Variants in ZFYVE26 observed in about 807,000 individuals in gnomAD.
ZFYVE26 encodes the protein zinc finger FYVE-type containing 26, also known as zinc finger FYVE domain-containing protein 26.
Under a neutral mutation model 276.5 loss-of-function variants are expected in ZFYVE26, and 181 were observed. The observed-to-expected ratio is 0.65, with a 90% confidence interval of 0.58 to 0.74. The LOEUF is 0.74. ZFYVE26 is among the 30% of genes least tolerant of loss of function. The pLI, the probability that ZFYVE26 is intolerant of heterozygous loss-of-function variation, is 0.00. For synonymous variants in ZFYVE26, 1,129 were observed against 1,203.1 expected, an observed-to-expected ratio of 0.94 and a Z score of 1.27; for missense variants, 2,821 against 3,097.9, an observed-to-expected ratio of 0.91 and a Z score of 2.12.
At position 67,762,354 on chromosome 14, in the gene ZFYVE26, C is replaced by G; in HGVS notation, c.6218G>C (p.Cys2073Ser). Reference sequence around the variant, plus strand: ...AGCAGTGAGGTTCCCGGCTTTGAGGCAGGCCATGCCCCAAGCATGCCACGC... The same window carrying G: ...AGCAGTGAGGTTCCCGGCTTTGAGGGAGGCCATGCCCCAAGCATGCCACGC... ...TGAWHAWGMA[C>S]LKAGNLTAAR... Residue 2073 changes from cysteine (C) to serine (S), a missense_variant, in exon 34 of 42, where the codon TGC becomes TCC. By Grantham distance (112) the Cys-to-Ser change is moderately radical (BLOSUM62 -1). Transcript: ENST00000347230. The G allele has an allele frequency of 3.1e-6, 5 of 1,614,220 alleles. No individual in the cohort carries two copies. Among genetic ancestry groups the G allele is most frequent in the Non-Finnish European group, 3.4e-6 (4 of 1,180,038 alleles).
At chr14:67,786,302 A>G in intron 16 of ZFYVE26, 69 bp from the exon 17 acceptor site, 1 of 1,530,022 alleles carries the variant, frequency 6.5e-7, no homozygotes, top group African/African-American at 1.4e-5. Context: ...ATTGACACTC[A>G]GTCCTGTATT....
chr14:67,742,192 A>G (rs2038422558), downstream of ZFYVE26, among the ~76,000 whole-genome samples: 1 of 152,224 alleles, frequency 6.6e-6, no homozygotes, highest in Admixed American at 6.5e-5. Context: ...AGGTACCTAG[A>G]GTAGTCACAT....
chr14:67,775,714 A>G (rs2039323774), intron 26 of ZFYVE26, 146 bp downstream of exon 26: 2 of 1,183,066 alleles, frequency 1.7e-6, no homozygotes, highest in Non-Finnish European at 2.4e-6. Context: ...GATCTCTCCT[A>G]TATAATAAAG....
In ZFYVE26 at chr14:67,761,408, C is replaced by T; in HGVS notation, c.6546G>A (p.Arg2182=). The change falls in exon 35 of 42, where the codon AGG becomes AGA. Residue 2182 remains arginine, a synonymous_variant. Transcript: ENST00000347230. Reference sequence around the variant, plus strand: ...GAAGAGCTTCCCGCAGGCAGCTGTGCCTCACGTAGAAGCTGATGATGGCCA... The same window carrying T: ...GAAGAGCTTCCCGCAGGCAGCTGTGTCTCACGTAGAAGCTGATGATGGCCA... ...TNLAIISFYV[R]HSCLREALLH... is the part of the protein sequence containing the mutation. The T allele has an allele frequency of 6.2e-7, 1 of 1,613,968 alleles. No individual in the cohort carries two copies. Among genetic ancestry groups the T allele is most frequent in the Non-Finnish European group, 8.5e-7 (1 of 1,179,944 alleles).
intron 1 of ZFYVE26, among the ~76,000 whole-genome samples, chr14:67,816,289 G>T (rs1215504036): frequency 6.6e-6 from 1 of 152,086 alleles, no homozygotes; most frequent in East Asian, 1.9e-4. Context: ...ATAACTCTAC[G>T]TCCGTATTCC....
In ZFYVE26 at chr14:67,776,254, CT is replaced by C. The variant is rs1401684681; in HGVS notation, c.4975-149del. 35 of 1,097,604 alleles carry C rather than the reference CT, an allele frequency of 3.2e-5. No homozygotes were observed. The East Asian group carries it at 8.7e-4, about 27-fold the overall frequency. The allele number at this position is 1,097,604 out of a possible 1,614,324, so 68.0% of individuals were successfully genotyped here. On this transcript the variant is annotated intron_variant, in intron 25 of 41. Transcript: ENST00000347230. The stretch of plus-strand genomic sequence containing the variant: ...ACAGACTCGCAGTCTTTTAGGAAGG[CT>C]GAGCTCCCCACTAAATTCTGCAGAT...
chr14:67,733,156 A>G (rs2038308008), intron 13 of ZFYVE26, among the ~76,000 whole-genome samples: 1 of 152,024 alleles, frequency 6.6e-6, no homozygotes, highest in South Asian at 2.1e-4. Context: ...AAAAAACATG[A>G]TGAGAACTGT....
At chr14:67,764,269 A>G (rs375512993) in intron 32 of ZFYVE26, among the ~76,000 whole-genome samples, 2 of 152,350 alleles carry the variant, frequency 1.3e-5, no homozygotes, top group Non-Finnish European at 2.9e-5. Flanking sequence ...GATTCTGTAC[A>G]TCAGTGATTC....
chr14:67,799,497 A>C, intron 10 of ZFYVE26: 1 of 1,605,786 alleles, frequency 6.2e-7, no homozygotes. Context: ...CAGAGCAGAC[A>C]AAAGGATCGG....
rs1406988642 is a variant in ZFYVE26 at position 67,789,524 on chromosome 14, G to A, written c.2830C>T (p.Gln944Ter). 6.2e-7 allele frequency: 1 copy of A among 1,614,160 alleles called. No homozygotes were observed. Among genetic ancestry groups the A allele is most frequent in the South Asian group, 1.1e-5 (1 of 91,078 alleles). ...GCCGTGCTTATCCAAAAGTCCTCCTGGAGCATGGGGATGGGGTCTCCAGAG... is the reference window on the plus strand; with the variant it reads ...GCCGTGCTTATCCAAAAGTCCTCCTAGAGCATGGGGATGGGGTCTCCAGAG... ...NTSGDPIPML[Q>*]EDFWISTALV... The change falls in exon 16 of 42, where the codon CAG becomes TAG. Residue 944 changes from glutamine to a stop codon, truncating the protein, a stop_gained. Transcript: ENST00000347230. LOFTEE classifies it high-confidence loss of function.
At chr14:67,767,975 T>G in intron 30 of ZFYVE26, 135 bp from the exon 31 acceptor site, 2 of 1,264,232 alleles carry the variant, frequency 1.6e-6, no homozygotes, top group Admixed American at 3.8e-5. Flanking sequence ...CTTGGTTCCT[T>G]TTGTTTGCTT....
At chr14:67,729,428 G>C (rs771292996) in exon 14 of ZFYVE26, 1 of 1,560,402 alleles carries the variant, frequency 6.4e-7, no homozygotes, top group African/African-American at 1.3e-5. Flanking sequence ...TGCATGGGAG[G>C]TGCCGGACTC....
intron 29 of ZFYVE26, among the ~76,000 whole-genome samples, chr14:67,768,803 A>G (rs891968924): frequency 6.6e-6 from 1 of 152,224 alleles, no homozygotes; most frequent in Non-Finnish European, 1.5e-5. Context: ...TAGAGTAAGT[A>G]TGGTGTGTCT....
rs970458415 is a variant in ZFYVE26 at position 67,761,446 on chromosome 14, A to G, written c.6508T>C (p.Tyr2170His). The change falls in exon 35 of 42, where the codon TAT becomes CAT. Residue 2170 changes from tyrosine to histidine, a missense_variant. Transcript: ENST00000347230. The stretch of plus-strand genomic sequence containing the variant: ...CTGATGATGGCCAGGTTGGTGCTAT[A>G]GTTGTGCAGGTAGAAGAGGCATTCC... ...YQECLFYLHN[Y>H]STNLAIISFY... 4 of 1,614,032 alleles carry G rather than the reference A, an allele frequency of 2.5e-6. No homozygotes were observed. The African/African-American group carries it at 5.3e-5, about 22-fold the overall frequency.
In ZFYVE26 at chr14:67,784,407, A is replaced by G; in HGVS notation, c.3553T>C (p.Phe1185Leu). The G allele has an allele frequency of 6.2e-7, 1 of 1,614,170 alleles. No homozygotes were observed. The highest frequency in any genetic ancestry group is 8.5e-7 in the Non-Finnish European group (1 of 1,180,006). Residue 1185 changes from phenylalanine (F) to leucine (L), a missense_variant, in exon 20 of 42, where the codon TTT (phenylalanine) becomes CTT (leucine). By Grantham distance (22) the Phe-to-Leu change is conservative. Transcript: ENST00000347230. Reference protein sequence around the residue: ...DHVEVKVGNPFVLLQQSSSQL... With the variant: ...DHVEVKVGNPLVLLQQSSSQL... ...GAAGAGCTCTGTTGCAGCAGAACAAAGGGATTTCCTACCTTGACCTCCACA... is the reference window on the plus strand; with the variant it reads ...GAAGAGCTCTGTTGCAGCAGAACAAGGGGATTTCCTACCTTGACCTCCACA...
intron 27 of ZFYVE26, among the ~76,000 whole-genome samples, chr14:67,772,600 G>C (rs374714469): frequency 7.2e-5 from 11 of 152,122 alleles, no homozygotes; most frequent in African/African-American, 2.6e-4. Flanking sequence ...AAAGAGGTAG[G>C]GGGGATAAAC....
downstream of ZFYVE26, among the ~76,000 whole-genome samples, chr14:67,742,521 AATT>A (rs1472242030): frequency 6.6e-6 from 1 of 152,138 alleles, no homozygotes; most frequent in Non-Finnish European, 1.5e-5. Context: ...ATTCTTCTAG[AATT>A]ATTATTTGTT....
At chr14:67,756,259 G>C in intron 35 of ZFYVE26, 114 bp from the exon 36 acceptor site, 1 of 1,067,842 alleles carries the variant, frequency 9.4e-7, no homozygotes, top group Non-Finnish European at 1.4e-6. Context: ...CCAATGCAGT[G>C]CTTCTTAATC....
chr14:67,735,867 G>T (rs947005254), intron 13 of ZFYVE26, among the ~76,000 whole-genome samples: 1 of 152,172 alleles, frequency 6.6e-6, no homozygotes, highest in African/African-American at 2.4e-5. Context: ...TGAAACTCAA[G>T]AAACAAACAG....
Sources: allele counts gnomAD v4.1 joint callset (sites outside exome capture counted in the v4.1 genomes callset), GRCh38; gene constraint gnomAD v4.1.1; transcripts MANE v1.5; gene names NCBI Gene and HGNC (gene_info 2026-07-23, HGNC 2026-07-21).